Variants in NYAP2 observed in about 807,000 individuals in gnomAD.
NYAP2 encodes neuronal tyrosine-phosphorylated phosphoinositide-3-kinase adapter 2.
NYAP2 carries 23 observed loss-of-function variants against 50.4 expected under a neutral mutation model. The ratio of observed to expected loss-of-function variants is 0.46; its 90% CI spans 0.33 to 0.65. The LOEUF (loss-of-function observed/expected upper bound fraction) is 0.65, where lower values mean the gene tolerates loss of function less well. Among genes scored for constraint, NYAP2 ranks in the 30% least tolerant of loss-of-function variants. NYAP2 has a pLI of 0.02. For missense variants in NYAP2, 885 were observed against 861.0 expected, an observed-to-expected ratio of 1.03 and a Z score of -0.35; for synonymous variants, 394 against 365.2, an observed-to-expected ratio of 1.08 and a Z score of -0.90.
chr2:225,427,758 T>C (rs1411293543), intron 3 of NYAP2, among the ~76,000 whole-genome samples: 1 of 152,192 alleles, frequency 6.6e-6, no homozygotes, highest in African/African-American at 2.4e-5. Flanking sequence ...ATGCATAAAA[T>C]TAAAAGTGAG....
At chr2:225,584,239 A>T (rs1032046055) in intron 5 of NYAP2, among the ~76,000 whole-genome samples, 2 of 152,186 alleles carry the variant, frequency 1.3e-5, no homozygotes, top group Admixed American at 1.3e-4. Context: ...TTTAAAAGCC[A>T]TGGTGATTTT....
intron 5 of NYAP2, among the ~76,000 whole-genome samples, chr2:225,598,893 T>C (rs1187935391): frequency 6.6e-6 from 1 of 152,202 alleles, no homozygotes; most frequent in Non-Finnish European, 1.5e-5. Context: ...AGCATGAGGC[T>C]TCTCCAGTTA....
chr2:225,654,681 C>T (rs555588149), downstream of NYAP2, among the ~76,000 whole-genome samples: 4 of 152,130 alleles, frequency 2.6e-5, no homozygotes, highest in Non-Finnish European at 5.9e-5. Context: ...TAGACTCCAT[C>T]TCAAAAAAAT....
At chr2:225,652,667 A>C (rs537657410) in exon 7 of NYAP2, 1 of 152,214 alleles carries the variant, frequency 6.6e-6, no homozygotes, top group Non-Finnish European at 1.5e-5. Flanking sequence ...CTTTGCATTC[A>C]TGAAACTCTT....
chr2:225,453,938 A>T (rs1231823877), intron 3 of NYAP2, among the ~76,000 whole-genome samples: 1 of 151,372 alleles, frequency 6.6e-6, no homozygotes, highest in African/African-American at 2.4e-5. Context: ...TGGCCTCCCA[A>T]AGTGCTGGGA....
chr2:225,570,771 A>T (rs1285774998), intron 4 of NYAP2, among the ~76,000 whole-genome samples: 1 of 152,144 alleles, frequency 6.6e-6, no homozygotes, highest in East Asian at 1.9e-4. Context: ...CTCACATTTC[A>T]ATGCATAATC....
At chr2:225,611,421 A>G (rs1277783903) in intron 5 of NYAP2, among the ~76,000 whole-genome samples, 1 of 151,934 alleles carries the variant, frequency 6.6e-6, no homozygotes, top group Non-Finnish European at 1.5e-5. Context: ...CTTCACCCTC[A>G]GTTAGTGCCT....
intron 5 of NYAP2, among the ~76,000 whole-genome samples, chr2:225,625,870 T>C (rs1693200918): frequency 6.6e-6 from 1 of 152,212 alleles, no homozygotes; most frequent in African/African-American, 2.4e-5. Context: ...GAGCTTATAC[T>C]TTGAGGAGTC....
At chr2:225,462,794 TA>T (rs11407608) in intron 3 of NYAP2, among the ~76,000 whole-genome samples, 1 of 152,112 alleles carries the variant, frequency 6.6e-6, no homozygotes, top group African/African-American at 2.4e-5. Flanking sequence ...GTTGGTCCAT[TA>T]AAAAAACTGA....
At chr2:225,411,738 G>T (rs1364873735) in intron 3 of NYAP2, among the ~76,000 whole-genome samples, 2 of 152,028 alleles carry the variant, frequency 1.3e-5, no homozygotes, top group Non-Finnish European at 2.9e-5. Context: ...TTAGAGTGAA[G>T]TGTCAAAAGC....
chr2:225,523,389 G>T (rs6436565), intron 4 of NYAP2, among the ~76,000 whole-genome samples: 90,327 of 151,020 alleles, frequency 0.6, 27,914 homozygotes, highest in African/African-American at 0.76. Context: ...TACCACGATA[G>T]GAAATCAACA....
chr2:225,527,251 G>A (rs1691168422), intron 4 of NYAP2, among the ~76,000 whole-genome samples: 1 of 152,274 alleles, frequency 6.6e-6, no homozygotes, highest in East Asian at 1.9e-4. Context: ...TAAGCCCAAT[G>A]TGCCTGTGTG....
chr2:225,433,897 T>C (rs988590258), intron 3 of NYAP2, among the ~76,000 whole-genome samples: 7 of 151,908 alleles, frequency 4.6e-5, no homozygotes, highest in Non-Finnish European at 8.8e-5. Context: ...CATTAAGCTG[T>C]ATTTTGCAAA....
intron 2 of NYAP2, among the ~76,000 whole-genome samples, chr2:225,407,760 A>C (rs1694966306): frequency 6.6e-6 from 1 of 151,880 alleles, no homozygotes; most frequent in African/African-American, 2.4e-5. Context: ...TTGTTAATTG[A>C]CTTTGCTTTT....
At chr2:225,513,512 G>A (rs1690870793) in exon 4 of NYAP2, 1 of 1,613,692 alleles carries the variant, frequency 6.2e-7, no homozygotes, top group Non-Finnish European at 8.5e-7. Context: ...CACAGTCCCT[G>A]CACTCGGTTG....
chr2:225,518,744 C>A (rs1690988595), intron 4 of NYAP2, among the ~76,000 whole-genome samples: 1 of 148,240 alleles, frequency 6.7e-6, no homozygotes, highest in African/African-American at 2.5e-5. Context: ...ATAGGCCAGG[C>A]ATGGTGGCTT....
At chr2:225,655,378 C>G (rs1693805290), downstream of NYAP2, among the ~76,000 whole-genome samples, 1 of 152,168 alleles carries the variant, frequency 6.6e-6, no homozygotes. Flanking sequence ...TTGGAACTTC[C>G]TTGTAATGCA....
At chr2:225,648,512 TG>T (rs768085078) in intron 6 of NYAP2, among the ~76,000 whole-genome samples, 2 of 151,940 alleles carry the variant, frequency 1.3e-5, no homozygotes, top group Non-Finnish European at 2.9e-5. Flanking sequence ...AGAGAGATTA[TG>T]GGGAGGTTTC....
the NYAP2 span, among the ~76,000 whole-genome samples, chr2:225,685,378 C>CT: frequency 7.5e-4 from 114 of 152,134 alleles, no homozygotes; most frequent in African/African-American, 2.7e-3. Flanking sequence ...ATATCAATAC[C>CT]TTTTTTATAA....
Sources: gnomAD v4.1 joint callset for allele counts (sites outside exome capture counted in the v4.1 genomes callset) on GRCh38, gnomAD v4.1.1 for gene constraint, MANE v1.5 for transcripts, NCBI Gene and HGNC (gene_info 2026-07-23, HGNC 2026-07-21) for gene names.